Variants in CACNA1G observed in about 807,000 individuals in gnomAD.
The protein encoded by CACNA1G is voltage-dependent T-type calcium channel subunit alpha-1G.
CACNA1G carries 67 observed loss-of-function variants against 219.4 expected under a neutral mutation model. The observed-to-expected ratio is 0.31, with a 90% CI of 0.25 to 0.37. The LOEUF (loss-of-function observed/expected upper bound fraction) is 0.37. Ranked by LOEUF, CACNA1G falls within the 10% of genes least tolerant of loss-of-function variation. The probability of loss-of-function intolerance (pLI) is 1.00; values close to 1 mark genes in which losing one functional copy is unlikely to be tolerated. For missense variants in CACNA1G, 2,380 were observed against 3,231.4 expected (o/e 0.74, Z 6.39); for synonymous variants, 1,296 against 1,345.3 (o/e 0.96, Z 0.80).
chr17:50,604,916 G>A (rs530151209), intron 22 of CACNA1G, among the ~76,000 whole-genome samples: 55 of 152,294 alleles, frequency 3.6e-4, no homozygotes, highest in Non-Finnish European at 5.0e-4. Flanking sequence ...TTCAGGCAGC[G>A]TGGGAGCCCC....
At chr17:50,561,773 G>C (rs982559850) in intron 1 of CACNA1G, 72 bp downstream of exon 1, 12 of 1,212,224 alleles carry the variant, frequency 9.9e-6, no homozygotes, top group Non-Finnish European at 1.3e-5. Flanking sequence ...GGGTCGGGGG[G>C]GAAGAAGACC....
intron 19 of CACNA1G, among the ~76,000 whole-genome samples, chr17:50,601,536 G>A (rs908127898): frequency 1.3e-5 from 2 of 152,216 alleles, no homozygotes; most frequent in Admixed American, 6.5e-5. Context: ...GGGCCTCGGG[G>A]GCATGCAGAG....
chr17:50,569,036 C>A (rs569312786), intron 2 of CACNA1G, 55 bp downstream of exon 2: 16 of 1,003,650 alleles, frequency 1.6e-5, no homozygotes, highest in Non-Finnish European at 2.1e-5. Context: ...GGGGGTTGGC[C>A]CCTCTTAATC....
At chr17:50,623,840 C>T (rs2052911044) in intron 35 of CACNA1G, 67 bp from the exon 36 acceptor site, 27 of 1,518,220 alleles carry the variant, frequency 1.8e-5, no homozygotes, top group African/African-American at 2.7e-5. Flanking sequence ...CTGTTGTCAG[C>T]GCTGCCTCAG....
At chr17:50,606,579 C>A (rs528747764) in intron 23 of CACNA1G, 8 of 541,132 alleles carry the variant, frequency 1.5e-5, no homozygotes, top group Admixed American at 9.8e-5. Flanking sequence ...AACAGAAATG[C>A]AGAAAATGAA....
chr17:50,607,156 T>C, intron 24 of CACNA1G, 167 bp downstream of exon 24: 1 of 693,498 alleles, frequency 1.4e-6, no homozygotes, highest in Non-Finnish European at 2.7e-6. Context: ...GGGCATGTTT[T>C]ATTGGTCTAC....
intron 26 of CACNA1G, among the ~76,000 whole-genome samples, chr17:50,613,123 C>T (rs1288430434): frequency 6.6e-6 from 1 of 152,256 alleles, no homozygotes; most frequent in Non-Finnish European, 1.5e-5. Context: ...CACCTGGCAA[C>T]TGGCGAGGGA....
In CACNA1G at chr17:50,602,837, C is replaced by T. The variant is rs763570077; in HGVS notation, c.3933C>T (p.Thr1311=). 2 of 1,613,748 alleles carry T rather than the reference C, an allele frequency of 1.2e-6. No individual in the cohort carries two copies. Among genetic ancestry groups the T allele is most frequent in the African/African-American group, 1.3e-5 (1 of 74,896 alleles). Residue 1311 remains threonine, a synonymous_variant, in exon 20 of 38, where the codon ACC becomes ACT. Coordinates refer to ENST00000359106, the MANE Select transcript of CACNA1G (RefSeq NM_018896.5). ...DPHSAERIFL[T]LSNYIFTAVF... is the part of the protein sequence containing the mutation. ...TCTTGCAGGAACGCATCTTCCTGAC[C>T]CTCTCCAATTACATCTTCACCGCAG... is the stretch of plus-strand genomic sequence containing the variant.
At chr17:50,562,175 G>A (rs1390773817) in intron 1 of CACNA1G, 1 of 153,078 alleles carries the variant, frequency 6.5e-6, no homozygotes, top group African/African-American at 2.4e-5. Flanking sequence ...GAGGAGGGGG[G>A]ACCGCAATCT....
intron 22 of CACNA1G, among the ~76,000 whole-genome samples, chr17:50,605,685 G>A (rs567839935): frequency 6.6e-6 from 1 of 152,260 alleles, no homozygotes; most frequent in East Asian, 1.9e-4. Context: ...CCCACTGCCC[G>A]CCCCGATTAC....
Position 50,619,809 on chromosome 17 carries a change from G to T in CACNA1G, c.5908G>T (p.Gly1970Ter), listed in dbSNP as rs767871056. 6.2e-7 allele frequency: 1 copy of T among 1,605,572 alleles called. No individual in the cohort carries two copies. Among genetic ancestry groups the T allele is most frequent in the Non-Finnish European group, 8.5e-7 (1 of 1,178,182 alleles). The change falls in exon 34 of 38, where the codon GGA becomes TGA. Residue 1970 changes from glycine (G) to a stop codon, truncating the protein, a stop_gained. Coordinates refer to ENST00000359106, the MANE Select transcript of CACNA1G (RefSeq NM_018896.5). LOFTEE classifies it high-confidence loss of function. ...PSAFPSAPSL[G>*]GSDPQIPLAE... ...TGCCTTCCCTTCTGCCCCCAGCCTG[G>T]GAGGCTCCGACCCACAGGTTACTGT...
chr17:50,575,864 C>A lies in CACNA1G; in HGVS notation c.1462C>A (p.Arg488Ser), dbSNP rs750863777. 3 of 1,551,278 alleles carry A rather than the reference C, an allele frequency of 1.9e-6. No individual in the cohort carries two copies. Among genetic ancestry groups the A allele is most frequent in the East Asian group, 4.8e-5 (2 of 41,256 alleles). ...PSSSCSRSHR[R>S]LSVHHLVHHH... ...CAGCAGCTGCTCTCGCTCCCACCGC[C>A]GCCTATCCGTCCACCACCTGGTGCA... Residue 488 changes from arginine (R) to serine (S), a missense_variant, in exon 8 of 38, where the codon CGC becomes AGC. Physicochemically the swap from Arg to Ser is moderately radical, Grantham distance 110 (BLOSUM62 -1). Coordinates refer to ENST00000359106, the MANE Select transcript of CACNA1G (RefSeq NM_018896.5).
Position 50,600,398 on chromosome 17 carries a change from A to G in CACNA1G, c.3691-328A>G, listed in dbSNP as rs989526542. ...GTGTGGGGCCAGTGTTTGATAACTG[A>G]TGCTGCTTCCCAGCTCAGCAGGGAG... On this transcript the variant is annotated intron_variant, in intron 17 of 37. Coordinates refer to ENST00000359106, the MANE Select transcript of CACNA1G (RefSeq NM_018896.5). This position sits in a 1 kb window ranked among gnomAD's most constrained non-coding sequence, Gnocchi z 4.1. Among the ~76,000 whole-genome samples, 1 of 151,610 alleles carries G rather than the reference A, an allele frequency of 6.6e-6. No individual in the cohort carries two copies.
rs543303595 is a variant in CACNA1G at position 50,591,662 on chromosome 17, G to A, written c.2639+42G>A. The A allele has an allele frequency of 6.2e-6, 10 of 1,610,318 alleles. No homozygotes were observed. The African/African-American group carries it at 8.0e-5, about 13-fold the overall frequency. On this transcript the variant is annotated intron_variant, in intron 11 of 37. Coordinates refer to ENST00000359106, the MANE Select transcript of CACNA1G (RefSeq NM_018896.5). ...ACCTTGCCGGCTGAGAGACCGGCCA[G>A]GCTGGGGGCAGGAGGGCCTGAGGGG...
chr17:50,564,859 G>C (rs997680453), intron 1 of CACNA1G, among the ~76,000 whole-genome samples: 1 of 152,082 alleles, frequency 6.6e-6, no homozygotes, highest in Non-Finnish European at 1.5e-5. Flanking sequence ...GGGATTGAGG[G>C]GGGGCCAGAT....
intron 8 of CACNA1G, among the ~76,000 whole-genome samples, chr17:50,577,504 C>T (rs556688702): frequency 6.7e-6 from 1 of 149,578 alleles, no homozygotes; most frequent in East Asian, 2.0e-4. Flanking sequence ...TGTGTGTGTG[C>T]GTGTGTGCAT....
chr17:50,561,290 C>T lies in CACNA1G; in HGVS notation c.-170C>T, dbSNP rs1436695169. ...CCCGGCGCCCCGCGGGCAGCATGCC[C>T]CTGCGGGCAGGGGGAGCTGGGCTGA... On this transcript the variant is annotated 5_prime_UTR_variant, in exon 1 of 38. Coordinates refer to ENST00000359106, the MANE Select transcript of CACNA1G (RefSeq NM_018896.5). 2.8e-5 allele frequency: 20 copies of T among 716,690 alleles called. No individual in the cohort carries two copies. In the East Asian group the frequency reaches 5.2e-4, roughly 19 times the overall value. The allele number at this position is 716,690 out of a possible 1,614,324, so 44.4% of individuals were successfully genotyped here. A position where few individuals can be genotyped will look rare whatever the true frequency, so the allele number is the denominator to read the frequency against.
At chr17:50,568,290 G>C (rs988684374) in intron 1 of CACNA1G, among the ~76,000 whole-genome samples, 1 of 152,096 alleles carries the variant, frequency 6.6e-6, no homozygotes, top group East Asian at 1.9e-4. Context: ...CTGCCTTCTC[G>C]GGTGACCTTC....
intron 10 of CACNA1G, among the ~76,000 whole-genome samples, chr17:50,591,205 G>T (rs950525998): frequency 3.9e-5 from 6 of 152,248 alleles, no homozygotes; most frequent in Middle Eastern, 3.2e-3. Flanking sequence ...GTTGTCTACT[G>T]CCAGGATGTG....
Sources: gnomAD v4.1 joint callset for allele counts (sites outside exome capture counted in the v4.1 genomes callset) on GRCh38, gnomAD v4.1.1 for gene constraint, Gnocchi (gnomAD v3.1) non-coding constraint, MANE v1.5 for transcripts, NCBI Gene and HGNC (gene_info 2026-07-23, HGNC 2026-07-21) for gene names.